PCDHGA7: variants seen among roughly 807,000 people sequenced by gnomAD.
PCDHGA7 encodes protocadherin gamma-A7.
PCDHGA7 carries 44 observed loss-of-function variants against 58.3 expected under a neutral mutation model. The observed-to-expected ratio is 0.75, with a 90% CI of 0.59 to 0.97. The LOEUF (loss-of-function observed/expected upper bound fraction) is 0.97, where lower values mean the gene tolerates loss of function less well. Ranked by LOEUF, PCDHGA7 falls within the 50% of genes least tolerant of loss-of-function variation. PCDHGA7 has a pLI of 0.00. For missense variants in PCDHGA7, 1,266 were observed against 1,188.7 expected (o/e 1.06, Z -0.96); for synonymous variants, 516 against 504.2 (o/e 1.02, Z -0.31).
chr5:141,442,047 G>A (rs186626119), intron 1 of PCDHGA7: 64 of 202,912 alleles, frequency 3.2e-4, no homozygotes, highest in Admixed American at 9.3e-4. Context: ...GCGCCTACTG[G>A]TCGCGGTGCA....
At chr5:141,421,875 A>C (rs1345376105) in intron 1 of PCDHGA7, 2 of 1,613,648 alleles carry the variant, frequency 1.2e-6, no homozygotes, top group South Asian at 2.2e-5. Flanking sequence ...TCACAGCTTT[A>C]GATGGAGGCG....
chr5:141,390,568 C>G (rs2092182781), intron 1 of PCDHGA7: 3 of 414,984 alleles, frequency 7.2e-6, no homozygotes, highest in East Asian at 4.5e-5. Flanking sequence ...GTTGTTGGCT[C>G]TCTCCTAAAA....
rs549801775 is a variant in PCDHGA7 at position 141,419,346 on chromosome 5, T to C, written c.2424+34023T>C. The C allele has an allele frequency of 6.2e-7, 1 of 1,613,828 alleles. No individual in the cohort carries two copies. The highest frequency in any genetic ancestry group is 2.2e-5 in the East Asian group (1 of 44,886). ...TCCTACTCTCTCATTGCCAGCGACCTGGAGTCACGAACGCTGTCGTCCTAC... is the reference window on the plus strand; with the variant it reads ...TCCTACTCTCTCATTGCCAGCGACCCGGAGTCACGAACGCTGTCGTCCTAC... On this transcript the variant is annotated intron_variant, in intron 1 of 3. Coordinates refer to ENST00000518325, the MANE Select transcript of PCDHGA7 (RefSeq NM_018920.4).
intron 1 of PCDHGA7, chr5:141,433,074 A>C: frequency 6.2e-7 from 1 of 1,614,218 alleles, no homozygotes; most frequent in East Asian, 2.2e-5. Flanking sequence ...ATCTTCCCCC[A>C]GCCCAACTAT....
intron 1 of PCDHGA7, chr5:141,400,071 GC>G: frequency 6.2e-7 from 1 of 1,613,942 alleles, no homozygotes; most frequent in Non-Finnish European, 8.5e-7. Flanking sequence ...GTGGACAGCC[GC>G]CACTCTCCGC....
intron 1 of PCDHGA7, among the ~76,000 whole-genome samples, chr5:141,444,885 T>C (rs547403761): frequency 6.6e-6 from 1 of 152,320 alleles, no homozygotes; most frequent in African/African-American, 2.4e-5. Flanking sequence ...TGTAGGATTT[T>C]TGAATGGGAT....
chr5:141,389,779 A>T (rs779598795), intron 1 of PCDHGA7: 1 of 1,613,298 alleles, frequency 6.2e-7, no homozygotes, highest in South Asian at 1.1e-5. Flanking sequence ...GCCTTAGGCG[A>T]CAGGGACGCC....
chr5:141,397,510 C>T (rs979129643), intron 1 of PCDHGA7, among the ~76,000 whole-genome samples: 2 of 152,098 alleles, frequency 1.3e-5, no homozygotes, highest in African/African-American at 2.4e-5. Context: ...AAAATTGTTT[C>T]CATAGCTAAT....
intron 1 of PCDHGA7, chr5:141,392,764 C>G: frequency 6.8e-7 from 1 of 1,480,722 alleles, no homozygotes; most frequent in Non-Finnish European, 9.0e-7. Flanking sequence ...CTAAATAAGA[C>G]CCATTTATGC....
chr5:141,477,431 G>T lies in PCDHGA7; in HGVS notation c.2425-17376G>T. 3 of 1,614,080 alleles carry T rather than the reference G, an allele frequency of 1.9e-6. No homozygotes were observed. The highest frequency in any genetic ancestry group is 2.5e-6 in the Non-Finnish European group (3 of 1,180,012). On this transcript the variant is annotated intron_variant, in intron 1 of 3. Transcript: ENST00000518325. This position sits in a 1 kb window ranked among gnomAD's most constrained non-coding sequence, Gnocchi z 4.9. ...AGACGCCGGAACCCCTTCCCTCTCA[G>T]CCCTTACAATAGTGCGTGTTCAAGT...
Position 141,421,812 on chromosome 5 carries a change from A to G in PCDHGA7, c.2424+36489A>G, listed in dbSNP as rs779804436. On this transcript the variant is annotated intron_variant, in intron 1 of 3. Transcript: ENST00000518325. ...CGGATGGGGCCAAGAATCCAGAGCTAGTACTGGAGGGAAGCCTGGACCGAG... is the reference window on the plus strand; with the variant it reads ...CGGATGGGGCCAAGAATCCAGAGCTGGTACTGGAGGGAAGCCTGGACCGAG... 9.9e-6 allele frequency: 16 copies of G among 1,613,704 alleles called. 1 individual carries two copies. In the South Asian group the frequency reaches 1.5e-4, roughly 16 times the overall value.
At position 141,415,832 on chromosome 5, in the gene PCDHGA7, T is replaced by C. The variant is rs995620508; in HGVS notation, c.2424+30509T>C. On this transcript the variant is annotated intron_variant, in intron 1 of 3. Coordinates refer to ENST00000518325, the MANE Select transcript of PCDHGA7 (RefSeq NM_018920.4). ...GCCTATATATCATAAGGCTTTGTTA[T>C]GATTAGCTTTGCAGAACCTTGTAGT... 33 of 1,310,754 alleles carry C rather than the reference T, an allele frequency of 2.5e-5. No individual in the cohort carries two copies. The African/African-American group carries it at 4.7e-4, about 19-fold the overall frequency. 81.2% of individuals were successfully genotyped at this position (1,310,754 alleles called of 1,614,324 possible).
intron 1 of PCDHGA7, chr5:141,409,596 AC>A: frequency 6.2e-7 from 1 of 1,613,714 alleles, no homozygotes; most frequent in Non-Finnish European, 8.5e-7. Flanking sequence ...GCCGAGAACA[AC>A]CCGCCAGGAG....
At chr5:141,437,035 C>T (rs991186972) in intron 1 of PCDHGA7, among the ~76,000 whole-genome samples, 1 of 152,120 alleles carries the variant, frequency 6.6e-6, no homozygotes, top group Non-Finnish European at 1.5e-5. Context: ...AATGGATCAC[C>T]GAAACCAGAA....
At chr5:141,445,284 C>A (rs2098462533) in intron 1 of PCDHGA7, among the ~76,000 whole-genome samples, 1 of 152,178 alleles carries the variant, frequency 6.6e-6, no homozygotes, top group African/African-American at 2.4e-5. Flanking sequence ...TGCATAAGTT[C>A]AGGCTTCCAT....
At position 141,477,687 on chromosome 5, in the gene PCDHGA7, C is replaced by A. The variant is rs1206813120; in HGVS notation, c.2425-17120C>A. The A allele has an allele frequency of 5.6e-6, 9 of 1,614,022 alleles. No homozygotes were observed. The highest frequency in any genetic ancestry group is 7.6e-6 in the Non-Finnish European group (9 of 1,180,040). ...AATGGCATAGTGTCATCCTTAGTGC[C>A]CCTAGACTATGAGGATCGGCGGGAA... On this transcript the variant is annotated intron_variant, in intron 1 of 3. Coordinates refer to ENST00000518325, the MANE Select transcript of PCDHGA7 (RefSeq NM_018920.4). This position sits in a 1 kb window ranked among gnomAD's most constrained non-coding sequence, Gnocchi z 4.9.
Position 141,477,932 on chromosome 5 carries a change from C to T in PCDHGA7, c.2425-16875C>T. 1 of 1,614,158 alleles carries T rather than the reference C, an allele frequency of 6.2e-7. No homozygotes were observed. The highest frequency in any genetic ancestry group is 8.5e-7 in the Non-Finnish European group (1 of 1,180,034). ...CGCGGATGCAGGGCACAATGCCTGGCTCTCCTACAGTCTCTTGGGATCCCC... is the reference window on the plus strand; with the variant it reads ...CGCGGATGCAGGGCACAATGCCTGGTTCTCCTACAGTCTCTTGGGATCCCC... On this transcript the variant is annotated intron_variant, in intron 1 of 3. Coordinates refer to ENST00000518325, the MANE Select transcript of PCDHGA7 (RefSeq NM_018920.4). This position sits in a 1 kb window ranked among gnomAD's most constrained non-coding sequence, Gnocchi z 4.9.
At chr5:141,466,450 G>T (rs139024933) in intron 1 of PCDHGA7, among the ~76,000 whole-genome samples, 1 of 152,172 alleles carries the variant, frequency 6.6e-6, no homozygotes, top group Non-Finnish European at 1.5e-5. Context: ...TGTCTATGGT[G>T]TTGGCTATTG....
In PCDHGA7 at chr5:141,384,730, G is replaced by A. The variant is rs752038561; in HGVS notation, c.1831G>A (p.Ala611Thr). The A allele has an allele frequency of 1.2e-6, 2 of 1,614,092 alleles. No homozygotes were observed. Among genetic ancestry groups the A allele is most frequent in the East Asian group, 2.2e-5 (1 of 44,880 alleles). The change falls in exon 1 of 4, where the codon GCC becomes ACC. Residue 611 changes from alanine (A) to threonine (T), a missense_variant. Transcript: ENST00000518325. ...CTGGCTGTCATACCTCCTGCTTAAG[G>A]CCAGCGAGCCAGGACTCTTTGCGGT... Reference protein sequence around the residue: ...NAWLSYLLLKASEPGLFAVGL... With the variant: ...NAWLSYLLLKTSEPGLFAVGL...
Sources: gnomAD v4.1 joint callset for allele counts (sites outside exome capture counted in the v4.1 genomes callset) on GRCh38, gnomAD v4.1.1 for gene constraint, Gnocchi (gnomAD v3.1) non-coding constraint, MANE v1.5 for transcripts, NCBI Gene and HGNC (gene_info 2026-07-23, HGNC 2026-07-21) for gene names.